Variants in DAB1 observed in about 807,000 individuals in gnomAD.
DAB1 encodes the protein DAB adaptor protein 1.
Under a neutral mutation model 64.6 loss-of-function variants are expected in DAB1, and 15 were observed. That is an observed-to-expected ratio of 0.23 (90% CI 0.16 to 0.36). DAB1 has a LOEUF of 0.36. DAB1 is among the 10% of genes least tolerant of loss of function. The probability of loss-of-function intolerance (pLI) is 1.00; values close to 1 mark genes in which losing one functional copy is unlikely to be tolerated. For missense variants in DAB1, 596 were observed against 706.7 expected (o/e 0.84, Z 1.78); for synonymous variants, 235 against 251.9 (o/e 0.93, Z 0.64).
At chr1:58,495,807 G>A (rs1049953958) in intron 3 of DAB1, among the ~76,000 whole-genome samples, 6 of 151,990 alleles carry the variant, frequency 3.9e-5, no homozygotes, top group African/African-American at 1.5e-4. Context: ...TCCTCCAACA[G>A]CAAGAAGTAT....
chr1:57,516,393 G>A (rs1252360898), intron 7 of DAB1, among the ~76,000 whole-genome samples: 7 of 152,102 alleles, frequency 4.6e-5, no homozygotes, highest in East Asian at 1.9e-4. Context: ...ACATAAGACC[G>A]GAGACTTTCT....
At chr1:57,451,195 G>T (rs1453115049) in intron 7 of DAB1, among the ~76,000 whole-genome samples, 1 of 152,060 alleles carries the variant, frequency 6.6e-6, no homozygotes, top group Non-Finnish European at 1.5e-5. Flanking sequence ...TCTTACTTTG[G>T]CAACCCCCTG....
intron 4 of DAB1, among the ~76,000 whole-genome samples, chr1:58,321,975 C>T (rs1283399533): frequency 6.6e-6 from 1 of 152,216 alleles, no homozygotes; most frequent in African/African-American, 2.4e-5. Context: ...AGGTCCCTGA[C>T]CCCTGTGTAG....
chr1:57,235,071 A>G (rs1250763664), intron 2 of DAB1, among the ~76,000 whole-genome samples: 1 of 152,196 alleles, frequency 6.6e-6, no homozygotes, highest in African/African-American at 2.4e-5. Context: ...GTGATCACTC[A>G]TCATATTCAC....
At chr1:58,153,593 C>T (rs1655064689) in intron 4 of DAB1, among the ~76,000 whole-genome samples, 1 of 151,898 alleles carries the variant, frequency 6.6e-6, no homozygotes, top group Non-Finnish European at 1.5e-5. Flanking sequence ...GATAATTAGA[C>T]CAAAAAAAGC....
intron 6 of DAB1, among the ~76,000 whole-genome samples, chr1:57,710,002 T>G (rs1430815049): frequency 6.6e-6 from 1 of 152,294 alleles, no homozygotes; most frequent in South Asian, 2.1e-4. Flanking sequence ...AGAAAAGAAA[T>G]GATTTGGGGG....
intron 2 of DAB1, among the ~76,000 whole-genome samples, chr1:58,516,879 G>T (rs1224527201): frequency 6.6e-6 from 1 of 152,104 alleles, no homozygotes; most frequent in Non-Finnish European, 1.5e-5. Flanking sequence ...TATGTCCTTG[G>T]GTCAGGACTT....
chr1:58,335,333 G>T, intron 4 of DAB1, among the ~76,000 whole-genome samples: 1 of 152,182 alleles, frequency 6.6e-6, no homozygotes, highest in East Asian at 1.9e-4. Context: ...GGAGTGGCCT[G>T]GGGCCAAAAC....
At chr1:57,318,960 A>C (rs1179230005) in intron 1 of DAB1, among the ~76,000 whole-genome samples, 2 of 152,136 alleles carry the variant, frequency 1.3e-5, no homozygotes. Flanking sequence ...CACAGCCTCC[A>C]TGTCCACCTG....
Position 57,585,004 on chromosome 1 carries a change from C to A in DAB1, n.625+64588G>T, listed in dbSNP as rs1045028723. On this transcript the variant is annotated intron_variant and non_coding_transcript_variant, in intron 7 of 20. Transcript: ENST00000485760. The stretch of plus-strand genomic sequence containing the variant: ...CGGTGGCTTACGCCTGTAATCCCAA[C>A]ACTTGGGAGGCCAAGGTGGGCAGAT... Among the ~76,000 whole-genome samples, 2 of 152,180 alleles carry A rather than the reference C, an allele frequency of 1.3e-5. 1 individual carries two copies. Among genetic ancestry groups the A allele is most frequent in the South Asian group, 4.1e-4 (2 of 4,834 alleles).
intron 3 of DAB1, among the ~76,000 whole-genome samples, chr1:58,455,981 T>G (rs1645189978): frequency 6.6e-6 from 1 of 152,202 alleles, no homozygotes; most frequent in South Asian, 2.1e-4. Context: ...CTACCTCCAC[T>G]CAGTGTATGA....
chr1:57,940,559 A>G (rs1403118199), intron 5 of DAB1, among the ~76,000 whole-genome samples: 1 of 152,238 alleles, frequency 6.6e-6, no homozygotes, highest in Non-Finnish European at 1.5e-5. Context: ...GTGCAAATGA[A>G]TCAGCTGAAG....
chr1:58,252,554 G>T (rs1660828888), intron 4 of DAB1, among the ~76,000 whole-genome samples: 1 of 152,188 alleles, frequency 6.6e-6, no homozygotes, highest in South Asian at 2.1e-4. Context: ...AGGAGGAAAG[G>T]TTTTCGGCTG....
chr1:57,439,307 C>T (rs144466196), intron 7 of DAB1, among the ~76,000 whole-genome samples: 1 of 151,916 alleles, frequency 6.6e-6, no homozygotes, highest in Non-Finnish European at 1.5e-5. Context: ...CTAAAGCCAA[C>T]ATTACCTTAA....
intron 5 of DAB1, among the ~76,000 whole-genome samples, chr1:58,114,830 A>T (rs1652221529): frequency 6.6e-6 from 1 of 152,176 alleles, no homozygotes; most frequent in Non-Finnish European, 1.5e-5. Flanking sequence ...TATTGTTACA[A>T]CTGTGCCAGT....
In DAB1 at chr1:58,347,879, C is replaced by CA. The variant is rs1374985095; in HGVS notation, n.258-4477dup. Among the ~76,000 whole-genome samples, 19 of 152,326 alleles carry CA rather than the reference C, an allele frequency of 1.2e-4. No individual in the cohort carries two copies. The East Asian group carries it at 2.1e-3, about 17-fold the overall frequency. ...CCTCCAGGTTCTAGCTCCCAACAGT[C>CA]AGCCCCTCAAACCATGATCTGAGCT... is the stretch of plus-strand genomic sequence containing the variant. On this transcript the variant is annotated intron_variant and non_coding_transcript_variant, in intron 3 of 20. Coordinates refer to the DAB1 transcript ENST00000485760.
chr1:58,063,294 C>A (rs771377449), intron 5 of DAB1, among the ~76,000 whole-genome samples: 2 of 152,094 alleles, frequency 1.3e-5, no homozygotes, highest in African/African-American at 2.4e-5. Flanking sequence ...GGGTGTGAGT[C>A]ATTTCGTGAC....
intron 6 of DAB1, among the ~76,000 whole-genome samples, chr1:57,660,170 A>T (rs1248991026): frequency 6.6e-6 from 1 of 152,158 alleles, no homozygotes; most frequent in Non-Finnish European, 1.5e-5. Flanking sequence ...AATACTCAGC[A>T]AATAAAATGA....
At chr1:57,321,452 A>T (rs1570270835) in intron 1 of DAB1, among the ~76,000 whole-genome samples, 1 of 152,270 alleles carries the variant, frequency 6.6e-6, no homozygotes, top group East Asian at 1.9e-4. Flanking sequence ...GAGGATGTTC[A>T]AGTCTACATC....
Sources: allele counts gnomAD v4.1 joint callset (sites outside exome capture counted in the v4.1 genomes callset), GRCh38; gene constraint gnomAD v4.1.1; transcripts MANE v1.5; gene names NCBI Gene and HGNC (gene_info 2026-07-23, HGNC 2026-07-21).